NRG2: variants seen among roughly 807,000 people sequenced by gnomAD.
The protein encoded by NRG2 is pro-neuregulin-2, membrane-bound isoform.
In NRG2, 27 loss-of-function variants were observed where a neutral mutation model predicts 73.9. The ratio of observed to expected loss-of-function variants is 0.37; its 90% CI spans 0.27 to 0.50. The LOEUF (loss-of-function observed/expected upper bound fraction) is 0.50. Ranked by LOEUF, NRG2 falls within the 20% of genes least tolerant of loss-of-function variation. The probability of loss-of-function intolerance (pLI) is 0.96; values close to 1 mark genes in which losing one functional copy is unlikely to be tolerated. For synonymous variants in NRG2, 532 were observed against 541.0 expected (o/e 0.98, Z 0.23); for missense variants, 1,126 against 1,210.1 (o/e 0.93, Z 1.03).
intron 1 of NRG2, among the ~76,000 whole-genome samples, chr5:140,024,256 ATTT>A (rs34481367): frequency 1.4e-5 from 2 of 143,804 alleles, no homozygotes; most frequent in Non-Finnish European, 1.5e-5. Context: ...GAGTAAAACA[ATTT>A]TTTTTTTTTT....
At chr5:139,932,009 T>A (rs1332693206) in intron 1 of NRG2, among the ~76,000 whole-genome samples, 3 of 152,182 alleles carry the variant, frequency 2.0e-5, no homozygotes, top group Non-Finnish European at 4.4e-5. Context: ...GGTACGGCCA[T>A]TATGGAAAAC....
chr5:139,862,168 A>G (rs1762187537), intron 5 of NRG2, among the ~76,000 whole-genome samples: 1 of 152,206 alleles, frequency 6.6e-6, no homozygotes, highest in Non-Finnish European at 1.5e-5. Context: ...GGGCTCCCAA[A>G]GCCCTTTAAG....
intron 1 of NRG2, among the ~76,000 whole-genome samples, chr5:140,021,502 GGA>G (rs1233746309): frequency 6.6e-6 from 1 of 152,224 alleles, no homozygotes; most frequent in East Asian, 1.9e-4. Flanking sequence ...CCTATGCCCT[GGA>G]AGTCACTGTC....
intron 1 of NRG2, among the ~76,000 whole-genome samples, chr5:139,981,011 G>A (rs1452993127): frequency 3.3e-5 from 5 of 152,194 alleles, no homozygotes; most frequent in East Asian, 1.9e-4. Context: ...GGGGTGCAGC[G>A]TGGCTGTGAA....
In NRG2 at chr5:139,851,375, T is replaced by C. The variant is rs1265375886; in HGVS notation, c.1772+229A>G. On this transcript the variant is annotated intron_variant, in intron 9 of 9. Coordinates refer to ENST00000361474, the MANE Select transcript of NRG2 (RefSeq NM_004883.3). The surrounding 1 kb of genome is among the most constrained non-coding windows in gnomAD (Gnocchi z 4.2). ...GTCCTGGGAGGACAATTAAATTAGA[T>C]GGTCACTGTCCACCAGGGTCCACTG... Among the ~76,000 whole-genome samples, 1 of 152,238 alleles carries C rather than the reference T, an allele frequency of 6.6e-6. No individual in the cohort carries two copies. The highest frequency in any genetic ancestry group is 1.5e-5 in the Non-Finnish European group (1 of 68,046).
intron 1 of NRG2, among the ~76,000 whole-genome samples, chr5:139,923,381 C>G (rs556615975): frequency 1.3e-5 from 2 of 152,170 alleles, no homozygotes; most frequent in Non-Finnish European, 2.9e-5. Context: ...CCTAGGCACT[C>G]TGTTGGGGAT....
At chr5:139,999,060 G>A (rs867764562) in intron 1 of NRG2, among the ~76,000 whole-genome samples, 3 of 152,102 alleles carry the variant, frequency 2.0e-5, no homozygotes, top group African/African-American at 2.4e-5. Flanking sequence ...TCCTAAGGAC[G>A]AGGCTCAGCC....
intron 1 of NRG2, among the ~76,000 whole-genome samples, chr5:139,973,155 G>GAAAAAAAAAAA (rs1756101078): frequency 8.9e-5 from 1 of 11,178 alleles, no homozygotes; most frequent in East Asian, 1.8e-3. Context: ...GTAAGAATAT[G>GAAAAAAAAAAA]CAAAAAAAAA....
At chr5:139,880,380 C>T (rs1478990980) in intron 3 of NRG2, among the ~76,000 whole-genome samples, 2 of 152,094 alleles carry the variant, frequency 1.3e-5, no homozygotes, top group Non-Finnish European at 2.9e-5. Flanking sequence ...GTTTGCCCTC[C>T]CTGAACAGAG....
chr5:139,929,099 C>T (rs1429424738), intron 1 of NRG2, among the ~76,000 whole-genome samples: 1 of 152,164 alleles, frequency 6.6e-6, no homozygotes, highest in African/African-American at 2.4e-5. Flanking sequence ...CTCAAAAGTC[C>T]TTCTGAGCTC....
At position 140,033,737 on chromosome 5, in the gene NRG2, C is replaced by T. The variant is rs573737343; in HGVS notation, c.700+8633G>A. 1.9e-4 allele frequency among the ~76,000 whole-genome samples: 29 copies of T among 152,322 alleles called. No individual in the cohort carries two copies. The South Asian group carries it at 5.4e-3, about 28-fold the overall frequency. ...TTTCCTCTTGCCTCCCCCTGGTCTGCTTCTGGAACTTAATATTTTCATTTA... is the reference window on the plus strand; with the variant it reads ...TTTCCTCTTGCCTCCCCCTGGTCTGTTTCTGGAACTTAATATTTTCATTTA... On this transcript the variant is annotated intron_variant, in intron 1 of 9. Coordinates refer to ENST00000361474, the MANE Select transcript of NRG2 (RefSeq NM_004883.3).
At chr5:139,858,915 A>T (rs1009650877) in intron 5 of NRG2, among the ~76,000 whole-genome samples, 1 of 152,168 alleles carries the variant, frequency 6.6e-6, no homozygotes, top group Admixed American at 6.5e-5. Context: ...TTCTACTGAG[A>T]ACAGCTGATA....
intron 1 of NRG2, among the ~76,000 whole-genome samples, chr5:139,989,759 T>G (rs1757435506): frequency 1.9e-5 from 1 of 51,902 alleles, no homozygotes; most frequent in Non-Finnish European, 3.1e-5. Context: ...TGCTAGGTTT[T>G]TATTATTATT....
Position 139,865,946 on chromosome 5 carries a change from C to T in NRG2, c.1113-321G>A, listed in dbSNP as rs1156492815. Among the ~76,000 whole-genome samples the T allele has an allele frequency of 6.6e-6, 1 of 152,094 alleles. No individual in the cohort carries two copies. The highest frequency in any genetic ancestry group is 1.9e-4 in the East Asian group (1 of 5,190). On this transcript the variant is annotated intron_variant, in intron 4 of 9. Transcript: ENST00000361474. This position sits in a 1 kb window ranked among gnomAD's most constrained non-coding sequence, Gnocchi z 5.2. ...CTTTCCTTCTTACCTGCCTGGTGCC[C>T]CATGAAGCAAGCACTGTGGCCTCTT...
chr5:140,020,951 G>A (rs1054870954), intron 1 of NRG2, among the ~76,000 whole-genome samples: 3 of 152,160 alleles, frequency 2.0e-5, no homozygotes, highest in African/African-American at 2.4e-5. Flanking sequence ...ACTCTATCCC[G>A]TGTCTCAAAC....
intron 1 of NRG2, among the ~76,000 whole-genome samples, chr5:139,936,065 C>G (rs1752834419): frequency 6.6e-6 from 1 of 151,436 alleles, no homozygotes; most frequent in Admixed American, 6.6e-5. Flanking sequence ...GAATTAAACT[C>G]TTATATGAGA....
rs867076675 is a variant in NRG2, at chr5:140,043,287, C to A, written c.-218G>T. ...AGCGCTCCCACCCTGTGCGCCAGGA[C>A]CTGGAGGAGGATGCGGAGGATGGGA... is the stretch of plus-strand genomic sequence containing the variant. On this transcript the variant is annotated 5_prime_UTR_variant, in exon 1 of 10. Transcript: ENST00000361474. The surrounding 1 kb of genome is among the most constrained non-coding windows in gnomAD (Gnocchi z 6.7). The A allele has an allele frequency of 9.1e-6, 5 of 550,604 alleles. No individual in the cohort carries two copies. Among genetic ancestry groups the A allele is most frequent in the Non-Finnish European group, 1.6e-5 (5 of 317,332 alleles). The allele number at this position is 550,604 out of a possible 1,614,324, so 34.1% of individuals were successfully genotyped here. A position where few individuals can be genotyped will look rare whatever the true frequency, so the allele number is the denominator to read the frequency against.
intron 1 of NRG2, among the ~76,000 whole-genome samples, chr5:139,938,853 AG>A (rs1753054664): frequency 2.8e-5 from 2 of 72,060 alleles, no homozygotes; most frequent in Non-Finnish European, 4.8e-5. Context: ...GAAAGGGAAG[AG>A]AGAGAGAGAG....
intron 1 of NRG2, among the ~76,000 whole-genome samples, chr5:140,041,013 C>T (rs1317612550): frequency 6.6e-6 from 1 of 152,108 alleles, no homozygotes; most frequent in African/African-American, 2.4e-5. Context: ...ACTCCCATCA[C>T]TAAACTCCTA....
Sources: gnomAD v4.1 joint callset for allele counts (sites outside exome capture counted in the v4.1 genomes callset) on GRCh38, gnomAD v4.1.1 for gene constraint, Gnocchi (gnomAD v3.1) non-coding constraint, MANE v1.5 for transcripts, NCBI Gene and HGNC (gene_info 2026-07-23, HGNC 2026-07-21) for gene names.